KALRN: variants seen among roughly 807,000 people sequenced by gnomAD.
KALRN encodes the protein kalirin.
A neutral mutation model predicts 353.7 loss-of-function variants in KALRN; 70 were observed. The observed-to-expected ratio is 0.20, with a 90% CI of 0.16 to 0.24. The LOEUF (loss-of-function observed/expected upper bound fraction) is 0.24, where lower values mean the gene tolerates loss of function less well. Ranked by LOEUF, KALRN falls within the 10% of genes least tolerant of loss-of-function variation. The pLI is 1.00. For synonymous variants in KALRN, 1,391 were observed against 1,434.8 expected (o/e 0.97, Z 0.69); for missense variants, 2,791 against 3,756.7 (o/e 0.74, Z 6.72).
chr3:124,199,423 T>A (rs1012736881), intron 1 of KALRN, among the ~76,000 whole-genome samples: 6 of 152,234 alleles, frequency 3.9e-5, no homozygotes, highest in Non-Finnish European at 1.5e-5. Context: ...CTCCCTGGGA[T>A]CTGTGGAGTC....
chr3:124,582,208 A>T (rs1046014108), intron 34 of KALRN, among the ~76,000 whole-genome samples: 1 of 152,062 alleles, frequency 6.6e-6, no homozygotes, highest in African/African-American at 2.4e-5. Flanking sequence ...TTTAGTAGAG[A>T]TGGGGTTTCA....
chr3:124,618,708 G>A (rs2078938432), intron 34 of KALRN, among the ~76,000 whole-genome samples: 1 of 152,168 alleles, frequency 6.6e-6, no homozygotes, highest in Non-Finnish European at 1.5e-5. Flanking sequence ...CTGATTTATG[G>A]GGAAATTGGG....
chr3:124,133,508 G>C (rs567905340), intron 1 of KALRN, among the ~76,000 whole-genome samples: 1 of 152,342 alleles, frequency 6.6e-6, no homozygotes, highest in African/African-American at 2.4e-5. Flanking sequence ...CCTCATTTCT[G>C]TCTTCAATTC....
At chr3:124,188,161 C>G (rs749830262) in intron 1 of KALRN, among the ~76,000 whole-genome samples, 2 of 152,130 alleles carry the variant, frequency 1.3e-5, no homozygotes, top group South Asian at 4.1e-4. Flanking sequence ...CAAACTTAAA[C>G]GTACGCAAGA....
chr3:124,405,499 AT>A (rs1473112458), intron 13 of KALRN, among the ~76,000 whole-genome samples: 1 of 152,174 alleles, frequency 6.6e-6, no homozygotes, highest in Admixed American at 6.5e-5. Flanking sequence ...CAAAAGAGAG[AT>A]CTTTTAAAAG....
At position 124,090,203 on chromosome 3, in the gene KALRN, G is replaced by T. The variant is rs146528357; in HGVS notation, c.73+56390G>T. On this transcript the variant is annotated intron_variant, in intron 1 of 59. Transcript: ENST00000682506. ...GGGGAACTAGAAGCCCCCAGAGAAG[G>T]GGTAGGGAGGGATCAGGTTTTCACC... Among the ~76,000 whole-genome samples, 352 of 152,192 alleles carry T rather than the reference G, an allele frequency of 2.3e-3. 1 individual carries two copies. The highest frequency in any genetic ancestry group is 7.9e-3 in the African/African-American group (329 of 41,526).
intron 5 of KALRN, among the ~76,000 whole-genome samples, chr3:124,290,094 GT>G (rs1410076663): frequency 6.6e-6 from 1 of 152,138 alleles, no homozygotes; most frequent in Non-Finnish European, 1.5e-5. Context: ...GAGTTTTCCT[GT>G]CATTTTTGTC....
At chr3:124,097,766 G>C in intron 1 of KALRN, among the ~76,000 whole-genome samples, 1 of 152,188 alleles carries the variant, frequency 6.6e-6, no homozygotes, top group East Asian at 1.9e-4. Flanking sequence ...TGTTTCTAGG[G>C]CTATACTTAA....
In KALRN at chr3:124,446,746, G is replaced by T. The variant is rs1423818281; in HGVS notation, c.3430-17G>T. 2 of 1,613,850 alleles carry T rather than the reference G, an allele frequency of 1.2e-6. No individual in the cohort carries two copies. Among genetic ancestry groups the T allele is most frequent in the Admixed American group, 3.3e-5 (2 of 59,938 alleles). On this transcript the variant is annotated splice_polypyrimidine_tract_variant and intron_variant, in intron 20 of 59. Coordinates refer to ENST00000682506, the MANE Select transcript of KALRN (RefSeq NM_001388419.1). ...AGCTGCCTTTTTGGGGACTGGATGAGTTGTTTCCTCCCATAGGCGCTTGAC... is the reference window on the plus strand; with the variant it reads ...AGCTGCCTTTTTGGGGACTGGATGATTTGTTTCCTCCCATAGGCGCTTGAC...
chr3:124,353,040 G>A (rs1437220657), intron 10 of KALRN, among the ~76,000 whole-genome samples: 2 of 152,118 alleles, frequency 1.3e-5, no homozygotes, highest in African/African-American at 4.8e-5. Flanking sequence ...TATTATGAAA[G>A]AAGAATTAAC....
At chr3:124,623,429 A>ACACACACACACAC (rs1561450939) in intron 34 of KALRN, among the ~76,000 whole-genome samples, 2 of 83,058 alleles carry the variant, frequency 2.4e-5, no homozygotes, top group African/African-American at 1.3e-4. Context: ...CACACACACA[A>ACACACACACACAC]AAGGGAGTTT....
chr3:124,575,058 A>G (rs1483068612), intron 34 of KALRN, among the ~76,000 whole-genome samples: 1 of 152,248 alleles, frequency 6.6e-6, no homozygotes, highest in Non-Finnish European at 1.5e-5. Context: ...CAAGCATGAG[A>G]AGTCTTTCCA....
At chr3:124,112,951 C>T (rs148546888) in intron 1 of KALRN, among the ~76,000 whole-genome samples, 11 of 152,200 alleles carry the variant, frequency 7.2e-5, no homozygotes, top group African/African-American at 1.2e-4. Flanking sequence ...ACCTCCATGC[C>T]GTTTCATTCT....
At chr3:124,221,538 C>G (rs1325657566) in intron 1 of KALRN, among the ~76,000 whole-genome samples, 1 of 152,160 alleles carries the variant, frequency 6.6e-6, no homozygotes, top group African/African-American at 2.4e-5. Context: ...GGAGACAGCT[C>G]AGCTTGATGG....
chr3:124,353,456 A>T (rs2083048623), intron 10 of KALRN, among the ~76,000 whole-genome samples: 1 of 152,202 alleles, frequency 6.6e-6, no homozygotes. Context: ...ATCTAATTTT[A>T]AAAAATGCAT....
At chr3:124,707,281 C>T (rs1192503416) in intron 57 of KALRN, among the ~76,000 whole-genome samples, 4 of 152,064 alleles carry the variant, frequency 2.6e-5, no homozygotes, top group Non-Finnish European at 5.9e-5. Flanking sequence ...AGGTCGAGAT[C>T]GCACCACTGC....
In KALRN at chr3:124,612,583, C is replaced by T. The variant is rs180974592; in HGVS notation, c.5183-19837C>T. On this transcript the variant is annotated intron_variant, in intron 34 of 59. Transcript: ENST00000682506. ...AACTCCTCACCTCAGGTGATCTGCC[C>T]GCCTCATCCTACCAAAGTGCTGGGA... is the stretch of plus-strand genomic sequence containing the variant. 1.6e-3 allele frequency among the ~76,000 whole-genome samples: 239 copies of T among 152,224 alleles called. 1 individual carries two copies. Among genetic ancestry groups the T allele is most frequent in the Admixed American group, 0.014 (213 of 15,274 alleles).
At chr3:124,113,041 G>A (rs555307806) in intron 1 of KALRN, among the ~76,000 whole-genome samples, 42 of 152,116 alleles carry the variant, frequency 2.8e-4, no homozygotes, top group Non-Finnish European at 4.9e-4. Flanking sequence ...TAATAAATTC[G>A]GATGTGTCAA....
chr3:124,195,885 T>C (rs890129113), intron 1 of KALRN, among the ~76,000 whole-genome samples: 2 of 152,210 alleles, frequency 1.3e-5, no homozygotes, highest in Admixed American at 1.3e-4. Context: ...ATTGTTTTGG[T>C]TCTTGTCAAA....
Sources: gnomAD v4.1 joint callset for allele counts (sites outside exome capture counted in the v4.1 genomes callset) on GRCh38, gnomAD v4.1.1 for gene constraint, MANE v1.5 for transcripts, NCBI Gene and HGNC (gene_info 2026-07-23, HGNC 2026-07-21) for gene names.